Variants in SPICE1 observed in about 807,000 individuals in gnomAD.
SPICE1 encodes spindle and centriole-associated protein 1.
A neutral mutation model predicts 102.7 loss-of-function variants in SPICE1; 75 were observed. The ratio of observed to expected loss-of-function variants is 0.73; its 90% CI spans 0.61 to 0.88. The LOEUF (loss-of-function observed/expected upper bound fraction) is 0.88, where lower values mean the gene tolerates loss of function less well. Among genes scored for constraint, SPICE1 ranks in the 40% least tolerant of loss-of-function variants. SPICE1 has a pLI of 0.00. For synonymous variants in SPICE1, 308 were observed against 350.3 expected, an observed-to-expected ratio of 0.88 and a Z score of 1.35; for missense variants, 979 against 1,020.1, an observed-to-expected ratio of 0.96 and a Z score of 0.55.
chr3:113,483,889 C>CA (rs1267935271), intron 7 of SPICE1, among the ~76,000 whole-genome samples: 1 of 152,162 alleles, frequency 6.6e-6, no homozygotes, highest in Non-Finnish European at 1.5e-5. Context: ...ATGCTGGCCT[C>CA]ATAAAATGAT....
chr3:113,459,865 G>A, intron 12 of SPICE1: 3 of 979,012 alleles, frequency 3.1e-6, no homozygotes, highest in East Asian at 1.2e-4. Flanking sequence ...CTGGGTGACA[G>A]AGCGAAACTC....
intron 7 of SPICE1, among the ~76,000 whole-genome samples, chr3:113,470,585 A>G (rs1347878584): frequency 1.3e-5 from 2 of 152,194 alleles, no homozygotes; most frequent in African/African-American, 4.8e-5. Flanking sequence ...AATTCTACAG[A>G]CTACCTTTCT....
intron 12 of SPICE1, among the ~76,000 whole-genome samples, chr3:113,458,198 G>A (rs1408911107): frequency 2.9e-5 from 2 of 68,008 alleles, no homozygotes; most frequent in African/African-American, 3.3e-4. Flanking sequence ...TCCCTCTCCC[G>A]TCTCCCTCTC....
Position 113,458,704 on chromosome 3 carries a change from G to A in SPICE1, c.1436-1347C>T, listed in dbSNP as rs577842157. Among the ~76,000 whole-genome samples the A allele has an allele frequency of 6.6e-5, 10 of 150,580 alleles. No individual in the cohort carries two copies. In the South Asian group the frequency reaches 1.1e-3, roughly 16 times the overall value. On this transcript the variant is annotated intron_variant, in intron 12 of 17. Coordinates refer to ENST00000295872, the MANE Select transcript of SPICE1 (RefSeq NM_144718.4). ...TGGGATGTAAGGAGCCCCTCTGCCC[G>A]GCCGCCCAGTCTGGGAAGTGAGGAG...
At position 113,488,930 on chromosome 3, in the gene SPICE1, G is replaced by T; in HGVS notation, c.611+15C>A. 6.8e-7 allele frequency: 1 copy of T among 1,473,864 alleles called. No individual in the cohort carries two copies. Among genetic ancestry groups the T allele is most frequent in the Non-Finnish European group, 9.5e-7 (1 of 1,056,148 alleles). 91.3% of individuals were successfully genotyped at this position (1,473,864 alleles called of 1,614,324 possible). ...AAACCTGAGAGTTGTAAATATTTAT[G>T]CCATATACACATACCTGTCTGTATT... is the stretch of plus-strand genomic sequence containing the variant. On this transcript the variant is annotated intron_variant, in intron 7 of 17. Coordinates refer to ENST00000295872, the MANE Select transcript of SPICE1 (RefSeq NM_144718.4).
rs900103417 is a variant in SPICE1 at position 113,506,534 on chromosome 3, C to T, written c.72G>A (p.Lys24=). The change falls in exon 2 of 18, where the codon AAG becomes AAA. Residue 24 remains lysine, a synonymous_variant. Coordinates refer to ENST00000295872, the MANE Select transcript of SPICE1 (RefSeq NM_144718.4). ...GVRKTPKVKK[K]KTSVKQEWDN... Reference sequence around the variant, plus strand: ...CCCATTCTTGTTTCACTGAAGTTTTCTTCTTCTTTACTTTCGGTGTCTTTC... The same window carrying T: ...CCCATTCTTGTTTCACTGAAGTTTTTTTCTTCTTTACTTTCGGTGTCTTTC... 14 of 1,613,346 alleles carry T rather than the reference C, an allele frequency of 8.7e-6. No individual in the cohort carries two copies. Among genetic ancestry groups the T allele is most frequent in the African/African-American group, 1.3e-5 (1 of 74,914 alleles).
intron 7 of SPICE1, among the ~76,000 whole-genome samples, chr3:113,481,115 G>T (rs912792512): frequency 6.6e-6 from 1 of 152,078 alleles, no homozygotes; most frequent in Non-Finnish European, 1.5e-5. Context: ...GGAAAACAAT[G>T]TCTATTTGCA....
At chr3:113,451,045 C>T (rs1179937443) in intron 14 of SPICE1, among the ~76,000 whole-genome samples, 1 of 152,148 alleles carries the variant, frequency 6.6e-6, no homozygotes, top group Admixed American at 6.5e-5. Flanking sequence ...TAAGTAAATG[C>T]CACACATCTT....
intron 3 of SPICE1, among the ~76,000 whole-genome samples, chr3:113,501,646 G>A (rs910186105): frequency 2.6e-5 from 4 of 152,108 alleles, no homozygotes; most frequent in Non-Finnish European, 5.9e-5. Flanking sequence ...AGAAATGGCC[G>A]AAAAGTACAC....
At chr3:113,514,311 TG>T (rs1320369275) in intron 1 of SPICE1, 2 of 233,998 alleles carry the variant, frequency 8.5e-6, no homozygotes, top group Non-Finnish European at 1.7e-5. Flanking sequence ...CTGACTGGTG[TG>T]GAAAACTGAT....
chr3:113,506,039 T>C (rs1447571876), intron 2 of SPICE1, among the ~76,000 whole-genome samples: 6 of 152,336 alleles, frequency 3.9e-5, no homozygotes, highest in South Asian at 4.1e-4. Context: ...GATCAACCTC[T>C]GGAATTGAGC....
chr3:113,505,199 GA>G (rs927523428), intron 2 of SPICE1, among the ~76,000 whole-genome samples: 5 of 151,738 alleles, frequency 3.3e-5, no homozygotes, highest in Admixed American at 1.3e-4. Flanking sequence ...TGTATTTATT[GA>G]AAAAAAATTC....
intron 11 of SPICE1, among the ~76,000 whole-genome samples, 194 bp downstream of exon 11, chr3:113,465,459 T>C (rs2107460277): frequency 6.6e-6 from 1 of 152,348 alleles, no homozygotes; most frequent in Middle Eastern, 3.4e-3. Context: ...ACAGTCCATA[T>C]ACTACTTCCA....
intron 6 of SPICE1, among the ~76,000 whole-genome samples, chr3:113,491,623 T>TAAAAAAAAA (rs1936768293): frequency 2.4e-5 from 1 of 42,026 alleles, no homozygotes; most frequent in Non-Finnish European, 4.0e-5. Flanking sequence ...AGACTCCGTC[T>TAAAAAAAAA]CAAAAAAAAA....
intron 7 of SPICE1, 120 bp downstream of exon 7, chr3:113,488,825 T>C: frequency 1.6e-6 from 1 of 633,478 alleles, no homozygotes; most frequent in Non-Finnish European, 2.7e-6. Flanking sequence ...AATACCAAAA[T>C]AAACAAATTT....
intron 14 of SPICE1, among the ~76,000 whole-genome samples, chr3:113,452,450 G>A (rs1188569047): frequency 2.0e-5 from 3 of 152,096 alleles, no homozygotes; most frequent in Non-Finnish European, 2.9e-5. Context: ...TTGGGAGGCC[G>A]AGGCAAACAG....
chr3:113,454,827 G>A (rs1935743916), intron 13 of SPICE1, among the ~76,000 whole-genome samples: 1 of 152,122 alleles, frequency 6.6e-6, no homozygotes, highest in African/African-American at 2.4e-5. Flanking sequence ...AGCCAGGAAG[G>A]AAGGGTTCTC....
chr3:113,499,041 G>T lies in SPICE1; in HGVS notation c.291+398C>A, dbSNP rs191142384. 12 of 153,570 alleles carry T rather than the reference G, an allele frequency of 7.8e-5. No homozygotes were observed. In the East Asian group the frequency reaches 2.3e-3, roughly 29 times the overall value. 9.5% of individuals were successfully genotyped at this position (153,570 alleles called of 1,614,324 possible). ...ATATATAAAAAGAGGAATAAGAAAA[G>T]ATTGTGCTAATCACTTTACTGAGAA... On this transcript the variant is annotated intron_variant, in intron 4 of 17. Transcript: ENST00000295872.
At chr3:113,464,067 CAA>C (rs544915251) in intron 11 of SPICE1, among the ~76,000 whole-genome samples, 3 of 130,026 alleles carry the variant, frequency 2.3e-5, no homozygotes, top group Non-Finnish European at 3.3e-5. Flanking sequence ...GACTCCGTCT[CAA>C]AAAAAAAAAG....
Sources: allele counts gnomAD v4.1 joint callset (sites outside exome capture counted in the v4.1 genomes callset), GRCh38; gene constraint gnomAD v4.1.1; transcripts MANE v1.5; gene names NCBI Gene and HGNC (gene_info 2026-07-23, HGNC 2026-07-21).